The following COL18A1 variants were observed in gnomAD, a reference collection of about 807,000 sequenced individuals.
The protein encoded by COL18A1 is collagen alpha-1(XVIII) chain.
COL18A1 carries 133 observed loss-of-function variants against 168.0 expected under a neutral mutation model. That is an observed-to-expected ratio of 0.79 (90% confidence interval 0.69 to 0.91). The LOEUF (loss-of-function observed/expected upper bound fraction) is 0.91, where lower values mean the gene tolerates loss of function less well. COL18A1 is among the 40% of genes least tolerant of loss of function. The probability of loss-of-function intolerance (pLI) is 0.00; values close to 1 mark genes in which losing one functional copy is unlikely to be tolerated. For synonymous variants in COL18A1, 949 were observed against 809.0 expected (o/e 1.17, Z -2.94); for missense variants, 2,126 against 1,925.4 (o/e 1.10, Z -1.95).
intron 2 of COL18A1, among the ~76,000 whole-genome samples, chr21:45,449,734 C>T (rs956495219): frequency 3.9e-5 from 6 of 152,178 alleles, no homozygotes; most frequent in African/African-American, 1.2e-4. Flanking sequence ...CCTGGCCACC[C>T]GGCCCTCTCA....
chr21:45,495,169 ACCT>A (rs1214922036), intron 28 of COL18A1, 186 bp from the exon 29 acceptor site: 2 of 660,018 alleles, frequency 3.0e-6, no homozygotes, highest in East Asian at 2.7e-5. Flanking sequence ...AGGCTCAGTC[ACCT>A]CCTCCCAAAA....
chr21:45,452,890 G>T (rs1240443068), intron 2 of COL18A1, among the ~76,000 whole-genome samples: 2 of 151,928 alleles, frequency 1.3e-5, no homozygotes, highest in African/African-American at 2.4e-5. Flanking sequence ...ATTCACATGT[G>T]ACATGTGAGC....
At chr21:45,439,904 G>A (rs62216303) in intron 2 of COL18A1, among the ~76,000 whole-genome samples, 19,655 of 152,330 alleles carry the variant, frequency 0.13, 1,477 homozygotes, top group East Asian at 0.22. Context: ...CTAGGCCTGG[G>A]AGATGGGAGT....
At chr21:45,491,471 G>A (rs2036347150) in intron 22 of COL18A1, among the ~76,000 whole-genome samples, 157 bp downstream of exon 22, 2 of 151,052 alleles carry the variant, frequency 1.3e-5, no homozygotes, top group African/African-American at 4.9e-5. Context: ...GGCTGCAGAC[G>A]CCCTCGGTCA....
chr21:45,427,177 G>T (rs1445598077), intron 2 of COL18A1, among the ~76,000 whole-genome samples: 2 of 152,172 alleles, frequency 1.3e-5, no homozygotes, highest in Non-Finnish European at 2.9e-5. Flanking sequence ...CACGCTGGGG[G>T]CTGGGCCCAG....
chr21:45,501,801 T>C (rs8127030), intron 32 of COL18A1, among the ~76,000 whole-genome samples: 1,787 of 13,094 alleles, frequency 0.14, 606 homozygotes, highest in Middle Eastern at 0.29. Flanking sequence ...CGGTCACCTC[T>C]CTCTGCAGAA....
At chr21:45,478,299 T>G (rs1436395495) in intron 8 of COL18A1, 28 bp from the exon 9 acceptor site, 1 of 1,613,806 alleles carries the variant, frequency 6.2e-7, no homozygotes, top group Non-Finnish European at 8.5e-7. Flanking sequence ...TCATTTCCCA[T>G]CACTAATGGC....
chr21:45,493,655 G>A (rs2036436228), intron 26 of COL18A1, 80 bp downstream of exon 26: 2 of 1,082,352 alleles, frequency 1.8e-6, no homozygotes, highest in Admixed American at 2.0e-5. Context: ...GTCTTCCTGA[G>A]GGTCTGGCTC....
At chr21:45,481,922 C>T (rs1367338861) in intron 13 of COL18A1, 41 bp from the exon 14 acceptor site, 1 of 1,439,604 alleles carries the variant, frequency 6.9e-7, no homozygotes. Flanking sequence ...GTTTTAGTGG[C>T]CGAATGCCAT....
chr21:45,510,066 C>A lies in COL18A1; in HGVS notation c.3498C>A (p.Leu1166=). The part of the protein sequence containing the change: ...AHSHRDFQPV[L]HLVALNSPLS... ...GTGACGCGCCCCTCTCCCCGCAGCTCCACCTGGTTGCGCTCAACAGCCCCC... is the reference window on the plus strand; with the variant it reads ...GTGACGCGCCCCTCTCCCCGCAGCTACACCTGGTTGCGCTCAACAGCCCCC... Residue 1166 remains leucine (L), a splice_region_variant and synonymous_variant, in exon 40 of 42, where the codon CTC becomes CTA. Transcript: ENST00000651438. The A allele has an allele frequency of 6.4e-7, 1 of 1,565,022 alleles. No homozygotes were observed. Among genetic ancestry groups the A allele is most frequent in the East Asian group, 2.4e-5 (1 of 42,238 alleles).
intron 15 of COL18A1, among the ~76,000 whole-genome samples, chr21:45,485,215 G>A (rs1412982584): frequency 7.2e-6 from 1 of 138,396 alleles, no homozygotes; most frequent in Non-Finnish European, 1.5e-5. Flanking sequence ...TGGCCAGGCT[G>A]GTCTCGAACT....
At chr21:45,506,765 C>G (rs1014459986) in intron 37 of COL18A1, 70 of 29,984 alleles carry the variant, frequency 2.3e-3, no homozygotes, top group African/African-American at 0.012. Flanking sequence ...CACCTTCCCT[C>G]TGGAACCCTC....
chr21:45,449,711 A>G (rs1489762634), intron 2 of COL18A1, among the ~76,000 whole-genome samples: 1 of 152,104 alleles, frequency 6.6e-6, no homozygotes. Flanking sequence ...CCCTCCAGGG[A>G]CCTGGACCCA....
chr21:45,439,311 G>C (rs962760090), intron 2 of COL18A1, among the ~76,000 whole-genome samples: 4 of 152,226 alleles, frequency 2.6e-5, no homozygotes, highest in Non-Finnish European at 4.4e-5. Flanking sequence ...GGCGCAGCGC[G>C]TTCCGTTTCG....
chr21:45,408,339 A>G (rs879330), intron 2 of COL18A1: 22,297 of 152,326 alleles, frequency 0.15, 2,566 homozygotes, highest in East Asian at 0.53. Context: ...ACATGCACAC[A>G]CACACAAAAG....
intron 2 of COL18A1, among the ~76,000 whole-genome samples, chr21:45,468,020 A>C (rs1010609949): frequency 1.3e-5 from 2 of 152,182 alleles, no homozygotes; most frequent in African/African-American, 4.8e-5. Flanking sequence ...CCCTGCACAC[A>C]GGTTTCTGCA....
intron 15 of COL18A1, among the ~76,000 whole-genome samples, chr21:45,486,358 G>C: frequency 7.8e-6 from 1 of 128,372 alleles, no homozygotes; most frequent in South Asian, 2.6e-4. Flanking sequence ...TGGTCCCAGG[G>C]TCCTGAGCCT....
At chr21:45,510,698 C>G (rs902457945) in intron 40 of COL18A1, among the ~76,000 whole-genome samples, 1 of 152,206 alleles carries the variant, frequency 6.6e-6, no homozygotes, top group African/African-American at 2.4e-5. Flanking sequence ...CCTTTTCGTG[C>G]ACTGGGCTGT....
chr21:45,471,981 C>T lies in COL18A1; in HGVS notation c.652-1914C>T, dbSNP rs1394231844. Among the ~76,000 whole-genome samples the T allele has an allele frequency of 6.6e-6, 1 of 152,192 alleles. No individual in the cohort carries two copies. Among genetic ancestry groups the T allele is most frequent in the African/African-American group, 2.4e-5 (1 of 41,450 alleles). ...CACCACGGGCTCAGAGCTTCTCTGCCCTCTGTAGTCGCCCCCCACCCAGGC... is the reference window on the plus strand; with the variant it reads ...CACCACGGGCTCAGAGCTTCTCTGCTCTCTGTAGTCGCCCCCCACCCAGGC... On this transcript the variant is annotated intron_variant, in intron 3 of 41. Coordinates refer to ENST00000651438, the MANE Select transcript of COL18A1 (RefSeq NM_001379500.1). This position sits in a 1 kb window ranked among gnomAD's most constrained non-coding sequence, Gnocchi z 4.4.
Sources: gnomAD v4.1 joint callset for allele counts (sites outside exome capture counted in the v4.1 genomes callset) on GRCh38, gnomAD v4.1.1 for gene constraint, Gnocchi (gnomAD v3.1) non-coding constraint, MANE v1.5 for transcripts, NCBI Gene and HGNC (gene_info 2026-07-23, HGNC 2026-07-21) for gene names.